Variants in LAMA1 observed in about 807,000 individuals in gnomAD.
LAMA1 encodes laminin subunit alpha 1.
Under a neutral mutation model 348.7 loss-of-function variants are expected in LAMA1, and 219 were observed. The ratio of observed to expected loss-of-function variants is 0.63; its 90% CI spans 0.56 to 0.70. LAMA1 has a LOEUF of 0.70. Among genes scored for constraint, LAMA1 ranks in the 30% least tolerant of loss-of-function variants. The pLI is 0.00. For synonymous variants in LAMA1, 1,487 were observed against 1,491.0 expected, an observed-to-expected ratio of 1.00 and a Z score of 0.06; for missense variants, 3,744 against 3,888.0, an observed-to-expected ratio of 0.96 and a Z score of 0.99.
At chr18:7,091,213 T>C (rs546441761) in intron 1 of LAMA1, among the ~76,000 whole-genome samples, 1 of 152,356 alleles carries the variant, frequency 6.6e-6, no homozygotes, top group Admixed American at 6.5e-5. Context: ...TTCTACCTGA[T>C]TAAAATTATT....
At chr18:6,973,557 A>C (rs2057667986) in intron 46 of LAMA1, among the ~76,000 whole-genome samples, 2 of 152,232 alleles carry the variant, frequency 1.3e-5, no homozygotes, top group South Asian at 4.1e-4. Flanking sequence ...AAGCTGCTCA[A>C]AAGTGATTAC....
chr18:7,065,966 C>T (rs1316334440), intron 3 of LAMA1, among the ~76,000 whole-genome samples: 5 of 152,150 alleles, frequency 3.3e-5, no homozygotes, highest in African/African-American at 9.7e-5. Context: ...AGGAGGTGCA[C>T]GGCATCAACA....
At chr18:6,965,558 A>G in intron 49 of LAMA1, 126 bp from the exon 50 acceptor site, 9 of 1,121,914 alleles carry the variant, frequency 8.0e-6, no homozygotes, top group Non-Finnish European at 1.2e-5. Flanking sequence ...CCCCACAGCC[A>G]GAGGTCTATC....
intron 3 of LAMA1, among the ~76,000 whole-genome samples, chr18:7,056,517 G>A (rs1296652730): frequency 6.6e-6 from 1 of 152,154 alleles, no homozygotes; most frequent in African/African-American, 2.4e-5. Flanking sequence ...GATGAAGAGA[G>A]AGGTCAAGAA....
At chr18:6,992,178 G>A (rs536095036) in intron 36 of LAMA1, among the ~76,000 whole-genome samples, 66 of 152,200 alleles carry the variant, frequency 4.3e-4, no homozygotes, top group African/African-American at 1.6e-3. Flanking sequence ...GCATAACATT[G>A]ACCTGTCTTA....
chr18:6,977,644 C>T (rs2057688316), intron 44 of LAMA1, 83 bp downstream of exon 44: 1 of 1,546,056 alleles, frequency 6.5e-7, no homozygotes, highest in Non-Finnish European at 8.9e-7. Flanking sequence ...CGCAGTGTGA[C>T]TGAGGGCCAT....
chr18:7,038,236 G>A (rs952825444), intron 11 of LAMA1, among the ~76,000 whole-genome samples: 5 of 152,080 alleles, frequency 3.3e-5, no homozygotes, highest in African/African-American at 1.2e-4. Context: ...TCACTGCTGG[G>A]TAAGTCCCTA....
chr18:7,066,257 G>A (rs1236876291), intron 3 of LAMA1, among the ~76,000 whole-genome samples: 2 of 152,052 alleles, frequency 1.3e-5, no homozygotes, highest in African/African-American at 2.4e-5. Context: ...GATACAAATC[G>A]ACACATTTTT....
At chr18:7,051,073 C>T in intron 3 of LAMA1, 137 bp from the exon 4 acceptor site, 1 of 1,135,408 alleles carries the variant, frequency 8.8e-7, no homozygotes, top group Non-Finnish European at 1.3e-6. Context: ...ATGGTGGCTG[C>T]CATGAGGTGC....
At chr18:6,996,580 C>G (rs1169167218) in intron 33 of LAMA1, among the ~76,000 whole-genome samples, 1 of 151,902 alleles carries the variant, frequency 6.6e-6, no homozygotes, top group African/African-American at 2.4e-5. Flanking sequence ...CAAGACCAGC[C>G]TGCACAACAT....
intron 56 of LAMA1, chr18:6,956,181 G>C (rs1600346885): frequency 2.9e-6 from 1 of 344,264 alleles, no homozygotes; most frequent in Non-Finnish European, 5.6e-6. Context: ...AACAGAGAAA[G>C]CAAAAGGGGA....
chr18:6,959,699 A>G (rs924045407), intron 53 of LAMA1: 2 of 576,382 alleles, frequency 3.5e-6, no homozygotes, highest in Non-Finnish European at 6.2e-6. Flanking sequence ...TTATGCTATT[A>G]TTGCTGAAGA....
rs1203341734 is a variant in LAMA1 at position 7,026,012 on chromosome 18, G to A, written c.2369C>T (p.Pro790Leu). ...PSRGTPGDCQ[P>L]CACPLTIASN... ...GGCTATGGTGAGAGGGCAGGCGCAG[G>A]GCTGGCAGTCCCCAGGTGTCCCTCG... The change falls in exon 17 of 63, where the codon CCC (proline) becomes CTC (leucine). Residue 790 changes from proline (P) to leucine (L), a missense_variant. Around this residue, in one of 3 missense-constraint regions of LAMA1, gnomAD observed 1,529 missense variants for 1,689.4 expected, o/e 0.91. Transcript: ENST00000389658. The A allele has an allele frequency of 1.9e-6, 3 of 1,609,614 alleles. No individual in the cohort carries two copies. The African/African-American group carries it at 4.0e-5, about 21-fold the overall frequency.
intron 3 of LAMA1, among the ~76,000 whole-genome samples, chr18:7,067,917 G>A (rs112680136): frequency 2.6e-5 from 4 of 151,424 alleles, no homozygotes; most frequent in Admixed American, 6.6e-5. Context: ...GCAATGGCAC[G>A]ATCTTGGCTC....
chr18:7,072,483 G>C (rs1008758911), intron 3 of LAMA1, among the ~76,000 whole-genome samples: 3 of 152,062 alleles, frequency 2.0e-5, no homozygotes, highest in East Asian at 1.9e-4. Context: ...CTCCATCCCT[G>C]TCCTGAAGGT....
intron 16 of LAMA1, among the ~76,000 whole-genome samples, chr18:7,027,025 G>C (rs1435909878): frequency 6.6e-6 from 1 of 151,224 alleles, no homozygotes; most frequent in East Asian, 1.9e-4. Context: ...AATGCCAATA[G>C]CATAAAATAC....
chr18:6,974,873 G>A, intron 46 of LAMA1, 30 bp downstream of exon 46: 2 of 1,613,728 alleles, frequency 1.2e-6, no homozygotes, highest in Non-Finnish European at 1.7e-6. Context: ...TTAAAAAAGA[G>A]AGCTGCTTTG....
At chr18:7,057,650 A>C (rs1261321076) in intron 3 of LAMA1, among the ~76,000 whole-genome samples, 3 of 148,168 alleles carry the variant, frequency 2.0e-5, no homozygotes, top group African/African-American at 4.9e-5. Flanking sequence ...GATTTTTTTC[A>C]ATTTTCTTCA....
At chr18:7,015,643 A>G (rs1420776302) in intron 22 of LAMA1, 79 bp downstream of exon 22, 8 of 1,558,718 alleles carry the variant, frequency 5.1e-6, no homozygotes, top group African/African-American at 1.4e-5. Context: ...AGTCCAGAAA[A>G]TATATAGAAG....
Sources: gnomAD v4.1 joint callset for allele counts (sites outside exome capture counted in the v4.1 genomes callset) on GRCh38, gnomAD v4.1.1 for gene constraint, gnomAD v4.1.1 regional missense constraint, MANE v1.5 for transcripts, NCBI Gene and HGNC (gene_info 2026-07-23, HGNC 2026-07-21) for gene names.